The following ZC2HC1C variants were observed in gnomAD, a reference collection of about 807,000 sequenced individuals.
ZC2HC1C encodes the protein zinc finger C2HC domain-containing protein 1C.
Under a neutral mutation model 39.2 loss-of-function variants are expected in ZC2HC1C, and 25 were observed. The observed-to-expected ratio is 0.64, with a 90% CI of 0.47 to 0.89. The LOEUF (loss-of-function observed/expected upper bound fraction) is 0.89, where lower values mean the gene tolerates loss of function less well. Among genes scored for constraint, ZC2HC1C ranks in the 40% least tolerant of loss-of-function variants. The probability of loss-of-function intolerance (pLI) is 0.00; values close to 1 mark genes in which losing one functional copy is unlikely to be tolerated. For missense variants in ZC2HC1C, 519 were observed against 548.6 expected, an observed-to-expected ratio of 0.95 and a Z score of 0.54; for synonymous variants, 209 against 214.4, an observed-to-expected ratio of 0.97 and a Z score of 0.22.
In ZC2HC1C at chr14:75,071,816, G is replaced by C; in HGVS notation, c.1243G>C (p.Gly415Arg). 6.2e-7 allele frequency: 1 copy of C among 1,614,168 alleles called. No individual in the cohort carries two copies. The highest frequency in any genetic ancestry group is 1.1e-5 in the South Asian group (1 of 91,076). Reference sequence around the variant, plus strand: ...CTCCAACATCTGCAGCAGGATGCGGGGTTCCAAGAGGAAAGTGTTTGACTC... The same window carrying C: ...CTCCAACATCTGCAGCAGGATGCGGCGTTCCAAGAGGAAAGTGTTTGACTC... ...RHSNICSRMRGSKRKVFDSSR... is the reference protein window; with the variant it reads ...RHSNICSRMRRSKRKVFDSSR... The change falls in exon 2 of 3, where the codon GGT (glycine) becomes CGT (arginine). Residue 415 changes from glycine (G) to arginine (R), a missense_variant. Physicochemically the swap from Gly to Arg is moderately radical, Grantham distance 125. Transcript: ENST00000524913.
Position 75,071,834 on chromosome 14 carries a change from T to G in ZC2HC1C, c.1261T>G (p.Phe421Val). ...GATGCGGGGTTCCAAGAGGAAAGTG[T>G]TTGACTCCTCCAGGGCCCGGGCTAA... ...SRMRGSKRKV[F>V]DSSRARAKGT... is the part of the protein sequence containing the mutation. Residue 421 changes from phenylalanine (F) to valine (V), a missense_variant, in exon 2 of 3, where the codon TTT (phenylalanine) becomes GTT (valine). Phe to Val is a conservative substitution (Grantham distance 50). Transcript: ENST00000524913. The G allele has an allele frequency of 6.2e-7, 1 of 1,613,914 alleles. No homozygotes were observed. The highest frequency in any genetic ancestry group is 8.5e-7 in the Non-Finnish European group (1 of 1,179,992).
rs1289116090 is a variant in ZC2HC1C at position 75,071,183 on chromosome 14, AACTTTG to A, written c.613_618del (p.Phe205_Asp206del). ...CACGCAGGCGGAGAAGGCCGTGGCA[AACTTTG>A]ACAGGACGGAGTGGGTGCAGATCCG... On this transcript the variant is annotated inframe_deletion, in exon 2 of 3. Transcript: ENST00000524913. 6.2e-7 allele frequency: 1 copy of A among 1,614,222 alleles called. No homozygotes were observed. Among genetic ancestry groups the A allele is most frequent in the Admixed American group, 1.7e-5 (1 of 60,022 alleles).
chr14:75,071,480 G>T lies in ZC2HC1C; in HGVS notation c.907G>T (p.Asp303Tyr). 6.2e-7 allele frequency: 1 copy of T among 1,614,092 alleles called. No homozygotes were observed. The highest frequency in any genetic ancestry group is 1.1e-5 in the South Asian group (1 of 91,072). ...EEEFSRDRRE[D>Y]ETWGRSQQNS... ...AGAATTTAGTAGAGACAGGAGAGAGGATGAAACTTGGGGACGGTCTCAACA... is the reference window on the plus strand; with the variant it reads ...AGAATTTAGTAGAGACAGGAGAGAGTATGAAACTTGGGGACGGTCTCAACA... Residue 303 changes from aspartate (D) to tyrosine (Y), a missense_variant, in exon 2 of 3, where the codon GAT becomes TAT. Asp to Tyr is a radical substitution (Grantham distance 160). Transcript: ENST00000524913.
In ZC2HC1C at chr14:75,071,740, T is replaced by C; in HGVS notation, c.1167T>C (p.Gly389=). 1 of 1,614,070 alleles carries C rather than the reference T, an allele frequency of 6.2e-7. No individual in the cohort carries two copies. Among genetic ancestry groups the C allele is most frequent in the Non-Finnish European group, 8.5e-7 (1 of 1,180,006 alleles). ...GCTCCATTGAAGAGCCACAGCTGGGTGAGTGCAGCCACTGTGGGCGCAAAT... is the reference window on the plus strand; with the variant it reads ...GCTCCATTGAAGAGCCACAGCTGGGCGAGTGCAGCCACTGTGGGCGCAAAT... ...SSGSIEEPQL[G]ECSHCGRKFL... is the part of the protein sequence containing the mutation. Residue 389 remains glycine, a synonymous_variant, in exon 2 of 3, where the codon GGT becomes GGC. Coordinates refer to ENST00000524913, the MANE Select transcript of ZC2HC1C (RefSeq NM_024643.4).
intron 2 of ZC2HC1C, among the ~76,000 whole-genome samples, chr14:75,076,868 T>C (rs966417937): frequency 6.6e-5 from 10 of 152,230 alleles, no homozygotes; most frequent in South Asian, 2.1e-4. Flanking sequence ...GTGGGGCTCA[T>C]TGACTAAGGA....
rs1335788081 is a variant in ZC2HC1C, at chr14:75,070,933, C to T, written c.360C>T (p.Ala120=). The T allele has an allele frequency of 1.2e-6, 2 of 1,614,074 alleles. No individual in the cohort carries two copies. The highest frequency in any genetic ancestry group is 2.2e-5 in the South Asian group (2 of 91,094). Residue 120 remains alanine, a synonymous_variant, in exon 2 of 3, where the codon GCC becomes GCT. Transcript: ENST00000524913. ...SSGPQSWYPK[A]NNQDFIPFTK... is the part of the protein sequence containing the mutation. Reference sequence around the variant, plus strand: ...GCCCTCAATCCTGGTATCCCAAAGCCAATAACCAGGACTTTATCCCCTTTA... The same window carrying T: ...GCCCTCAATCCTGGTATCCCAAAGCTAATAACCAGGACTTTATCCCCTTTA...
At position 75,071,307 on chromosome 14, in the gene ZC2HC1C, T is replaced by A; in HGVS notation, c.734T>A (p.Leu245His). The part of the protein sequence containing the change: ...RGKLKKTEEE[L>H]RRIQTQKEQA... ...AAGCTGAAGAAGACAGAGGAGGAAC[T>A]CAGAAGGATCCAGACGCAAAAGGAA... Residue 245 changes from leucine to histidine, a missense_variant, in exon 2 of 3, where the codon CTC (leucine) becomes CAC (histidine). By Grantham distance (99) the Leu-to-His change is moderately conservative (BLOSUM62 -3). Transcript: ENST00000524913. 6.2e-7 allele frequency: 1 copy of A among 1,613,918 alleles called. No individual in the cohort carries two copies. Among genetic ancestry groups the A allele is most frequent in the Non-Finnish European group, 8.5e-7 (1 of 1,179,978 alleles).
intron 2 of ZC2HC1C, among the ~76,000 whole-genome samples, chr14:75,076,378 C>G (rs175494): frequency 0.48 from 73,000 of 151,744 alleles, 17,978 homozygotes; most frequent in Middle Eastern, 0.57. Flanking sequence ...AAGCAATTCT[C>G]CTGCCTCAGC....
At position 75,078,430 on chromosome 14, in the gene ZC2HC1C, AG is replaced by A. The variant is rs1893776301; in HGVS notation, c.*869del. ...AAGGAAAGATCTTTATGTACTTTAC[AG>A]GGTAGGGATGGGTGTTGGGGGGGAA... On this transcript the variant is annotated 3_prime_UTR_variant, in exon 3 of 3. Coordinates refer to ENST00000524913, the MANE Select transcript of ZC2HC1C (RefSeq NM_024643.4). 1 of 152,150 alleles carries A rather than the reference AG, an allele frequency of 6.6e-6. No individual in the cohort carries two copies. Among genetic ancestry groups the A allele is most frequent in the African/African-American group, 2.4e-5 (1 of 41,424 alleles). The allele number at this position is 152,150 out of a possible 1,614,324, so 9.4% of individuals were successfully genotyped here. A position where few individuals can be genotyped will look rare whatever the true frequency, so the allele number is the denominator to read the frequency against.
chr14:75,075,694 G>C (rs957350133), intron 2 of ZC2HC1C, among the ~76,000 whole-genome samples: 4 of 152,046 alleles, frequency 2.6e-5, no homozygotes. Context: ...CTAGATACTT[G>C]GTAAGCCATT....
rs933501302 is a variant in ZC2HC1C, at chr14:75,079,535, T to C, written c.*1971T>C. 6.6e-6 allele frequency: 1 copy of C among 152,214 alleles called. No individual in the cohort carries two copies. Among genetic ancestry groups the C allele is most frequent in the Non-Finnish European group, 1.5e-5 (1 of 68,044 alleles). 9.4% of individuals were successfully genotyped at this position (152,214 alleles called of 1,614,324 possible). A position where few individuals can be genotyped will look rare whatever the true frequency, so the allele number is the denominator to read the frequency against. On this transcript the variant is annotated 3_prime_UTR_variant, in exon 3 of 3. Transcript: ENST00000524913. ...GGGAATGTAAACCAGTACATTGCAATAGATGGCAAGAGTAAGCTGTGGCCA... is the reference window on the plus strand; with the variant it reads ...GGGAATGTAAACCAGTACATTGCAACAGATGGCAAGAGTAAGCTGTGGCCA...
At position 75,079,160 on chromosome 14, in the gene ZC2HC1C, A is replaced by C. The variant is rs532160756; in HGVS notation, c.*1596A>C. ...TTTACTAAGTAACAAATGGCCACTCACTCTTGCTCCATTTCCACTGCACTC... is the reference window on the plus strand; with the variant it reads ...TTTACTAAGTAACAAATGGCCACTCCCTCTTGCTCCATTTCCACTGCACTC... On this transcript the variant is annotated 3_prime_UTR_variant, in exon 3 of 3. Transcript: ENST00000524913. 1.4e-5 allele frequency: 2 copies of C among 139,482 alleles called. No individual in the cohort carries two copies. Among genetic ancestry groups the C allele is most frequent in the East Asian group, 2.1e-4 (1 of 4,830 alleles). The allele number at this position is 139,482 out of a possible 1,614,324, so 8.6% of individuals were successfully genotyped here.
At chr14:75,072,950 T>C (rs758311475) in intron 2 of ZC2HC1C, among the ~76,000 whole-genome samples, 2 of 152,200 alleles carry the variant, frequency 1.3e-5, no homozygotes, top group Non-Finnish European at 2.9e-5. Flanking sequence ...GTAGATCATA[T>C]GATCTCAGAG....
chr14:75,078,103 G>C lies in ZC2HC1C; in HGVS notation c.*539G>C, dbSNP rs1283425349. 6.5e-6 allele frequency: 1 copy of C among 153,794 alleles called. No individual in the cohort carries two copies. Among genetic ancestry groups the C allele is most frequent in the African/African-American group, 2.4e-5 (1 of 41,454 alleles). 9.5% of individuals were successfully genotyped at this position (153,794 alleles called of 1,614,324 possible). A position where few individuals can be genotyped will look rare whatever the true frequency, so the allele number is the denominator to read the frequency against. On this transcript the variant is annotated 3_prime_UTR_variant, in exon 3 of 3. Transcript: ENST00000524913. ...TCTTTTCTTGCATGCCTGACTTGTG[G>C]TTTGTGCTAGTTAAGTGCCTGCATC...
chr14:75,070,716 AC>A lies in ZC2HC1C; in HGVS notation c.145del (p.Leu49Ter), dbSNP rs1893333048. 2 of 1,614,198 alleles carry A rather than the reference AC, an allele frequency of 1.2e-6. No homozygotes were observed. Among genetic ancestry groups the A allele is most frequent in the South Asian group, 2.2e-5 (2 of 91,086 alleles). Reference protein sequence around the residue: ...GDSSQQSLKGHLRNNFQKQLL... With the variant: ...GDSSQQSLKGXLRNNFQKQLL... The stretch of plus-strand genomic sequence containing the variant: ...TCTTCCCAGCAGTCCTTGAAGGGGC[AC>A]CTGAGGAACAATTTCCAGAAGCAGC... On this transcript the variant is annotated frameshift_variant, in exon 2 of 3. Transcript: ENST00000524913. LOFTEE classifies it high-confidence loss of function.
chr14:75,075,267 T>C lies in ZC2HC1C; in HGVS notation c.1339-2265T>C, dbSNP rs563603909. 2.6e-5 allele frequency among the ~76,000 whole-genome samples: 4 copies of C among 152,338 alleles called. No individual in the cohort carries two copies. The East Asian group carries it at 7.7e-4, about 29-fold the overall frequency. The stretch of plus-strand genomic sequence containing the variant: ...CACTCTGATCCCTTCTGCTCCAACC[T>C]GGACTGGGTATTCTCTAGGCCTGGT... On this transcript the variant is annotated intron_variant, in intron 2 of 2. Transcript: ENST00000524913.
In ZC2HC1C at chr14:75,071,914, AACAAGAGCCTTATGGAT is replaced by A. The variant is rs747464548; in HGVS notation, c.1338+4_1338+20del. On this transcript the variant is annotated splice_donor_5th_base_variant and intron_variant, in intron 2 of 2. Coordinates refer to ENST00000524913, the MANE Select transcript of ZC2HC1C (RefSeq NM_024643.4). ...GGAAGGGGCCAGCTTCAGCCAAGGTAACAAGAGCCTTATGGATGTGACTTGGTGTGGTGATCATTGTA... is the reference window on the plus strand; with the variant it reads ...GGAAGGGGCCAGCTTCAGCCAAGGTAGTGACTTGGTGTGGTGATCATTGTA... The A allele has an allele frequency of 1.9e-5, 30 of 1,579,516 alleles. No homozygotes were observed. The South Asian group carries it at 3.4e-4, about 18-fold the overall frequency.
rs1003238753 is a variant in ZC2HC1C at position 75,073,511 on chromosome 14, G to A, written c.1338+1600G>A. The A allele has an allele frequency of 2.4e-5, 28 of 1,178,510 alleles. No individual in the cohort carries two copies. The African/African-American group carries it at 4.1e-4, about 17-fold the overall frequency. 73.0% of individuals were successfully genotyped at this position (1,178,510 alleles called of 1,614,324 possible). On this transcript the variant is annotated intron_variant, in intron 2 of 2. Coordinates refer to ENST00000524913, the MANE Select transcript of ZC2HC1C (RefSeq NM_024643.4). ...TGACATTGAGGACACCAAGACAGAA[G>A]GGACCTAGACTAAGATGCACCTGCA...
intron 2 of ZC2HC1C, among the ~76,000 whole-genome samples, chr14:75,074,485 A>T (rs1181198927): frequency 1.3e-5 from 2 of 152,186 alleles, no homozygotes; most frequent in Non-Finnish European, 2.9e-5. Flanking sequence ...CAGTTCTGTT[A>T]GATGGTTCTT....
Sources: gnomAD v4.1 joint callset for allele counts (sites outside exome capture counted in the v4.1 genomes callset) on GRCh38, gnomAD v4.1.1 for gene constraint, MANE v1.5 for transcripts, NCBI Gene and HGNC (gene_info 2026-07-23, HGNC 2026-07-21) for gene names.